NRXN1: variants seen among roughly 807,000 people sequenced by gnomAD.
The protein encoded by NRXN1 is neurexin 1, also known as neurexin-1.
A neutral mutation model predicts 150.9 loss-of-function variants in NRXN1; 39 were observed. The ratio of observed to expected loss-of-function variants is 0.26; its 90% CI spans 0.20 to 0.34. The LOEUF is 0.34. NRXN1 is among the 10% of genes least tolerant of loss of function. The pLI, the probability that NRXN1 is intolerant of heterozygous loss-of-function variation, is 1.00. For synonymous variants in NRXN1, 924 were observed against 757.0 expected, an observed-to-expected ratio of 1.22 and a Z score of -3.62; for missense variants, 1,815 against 1,949.9, an observed-to-expected ratio of 0.93 and a Z score of 1.30.
At chr2:50,360,645 C>T (rs1383712202) in intron 17 of NRXN1, among the ~76,000 whole-genome samples, 1 of 152,176 alleles carries the variant, frequency 6.6e-6, no homozygotes, top group Non-Finnish European at 1.5e-5. Context: ...GAGACTTAGA[C>T]TCCCACACAA....
intron 17 of NRXN1, among the ~76,000 whole-genome samples, chr2:50,448,966 T>G (rs139239241): frequency 6.6e-6 from 1 of 152,310 alleles, no homozygotes; most frequent in East Asian, 1.9e-4. Context: ...TATTTTTTCA[T>G]GAACGCCAAA....
At chr2:50,085,224 C>T (rs1295354851) in intron 19 of NRXN1, among the ~76,000 whole-genome samples, 3 of 152,086 alleles carry the variant, frequency 2.0e-5, no homozygotes, top group Non-Finnish European at 1.5e-5. Flanking sequence ...AAAAAAAATG[C>T]TTTGACCTAG....
chr2:50,901,136 T>C (rs1031160288), intron 5 of NRXN1, among the ~76,000 whole-genome samples: 2 of 152,152 alleles, frequency 1.3e-5, no homozygotes, highest in African/African-American at 2.4e-5. Context: ...GTGAGTACCA[T>C]GATCCATGAT....
At chr2:50,593,457 A>C (rs1181688361) in intron 8 of NRXN1, among the ~76,000 whole-genome samples, 1 of 152,226 alleles carries the variant, frequency 6.6e-6, no homozygotes, top group Non-Finnish European at 1.5e-5. Context: ...GAGGTATAAA[A>C]ATATGGTAAT....
chr2:50,667,528 A>G (rs1207566990), intron 5 of NRXN1, among the ~76,000 whole-genome samples: 1 of 151,992 alleles, frequency 6.6e-6, no homozygotes, highest in Admixed American at 6.6e-5. Flanking sequence ...TTAATTTATA[A>G]TGACCAGGAT....
At chr2:50,216,345 C>A (rs1291330514) in intron 18 of NRXN1, among the ~76,000 whole-genome samples, 1 of 151,826 alleles carries the variant, frequency 6.6e-6, no homozygotes, top group East Asian at 1.9e-4. Context: ...AAACTTAATG[C>A]TCTACTTTGA....
intron 8 of NRXN1, among the ~76,000 whole-genome samples, chr2:50,613,296 C>T (rs1180746990): frequency 5.9e-5 from 9 of 152,144 alleles, no homozygotes; most frequent in Non-Finnish European, 7.4e-5. Context: ...AGAAAATTGT[C>T]ATTCAGCCCC....
Position 49,920,893 on chromosome 2 carries a change from G to C in NRXN1, c.*1051C>G, listed in dbSNP as rs1463326953. The C allele has an allele frequency of 6.6e-6, 1 of 152,508 alleles. No homozygotes were observed. Among genetic ancestry groups the C allele is most frequent in the Non-Finnish European group, 1.5e-5 (1 of 68,006 alleles). 9.4% of individuals were successfully genotyped at this position (152,508 alleles called of 1,614,324 possible). The stretch of plus-strand genomic sequence containing the variant: ...AATGAAGGCTGTACATATAAGAAAA[G>C]AAGTAGCTGAGTCTTTGTATATACA... On this transcript the variant is annotated 3_prime_UTR_variant, in exon 23 of 23. Coordinates refer to ENST00000401669, the MANE Select transcript of NRXN1 (RefSeq NM_001330078.2).
At chr2:50,351,937 A>G (rs2078441513) in intron 17 of NRXN1, among the ~76,000 whole-genome samples, 1 of 152,192 alleles carries the variant, frequency 6.6e-6, no homozygotes, top group Non-Finnish European at 1.5e-5. Context: ...GTGCCTACTC[A>G]TTAATAAATG....
intron 21 of NRXN1, among the ~76,000 whole-genome samples, chr2:49,998,416 G>C (rs551499746): frequency 6.6e-6 from 1 of 152,070 alleles, no homozygotes; most frequent in East Asian, 1.9e-4. Flanking sequence ...CTTCAAGATA[G>C]GGAGGATATA....
chr2:50,813,365 T>C (rs1668493761), intron 5 of NRXN1, among the ~76,000 whole-genome samples: 1 of 152,212 alleles, frequency 6.6e-6, no homozygotes, highest in South Asian at 2.1e-4. Context: ...ACTTTTGCAC[T>C]ATCTTCTCTC....
At chr2:50,558,674 C>T (rs140206245) in intron 8 of NRXN1, among the ~76,000 whole-genome samples, 2 of 152,094 alleles carry the variant, frequency 1.3e-5, no homozygotes, top group African/African-American at 2.4e-5. Context: ...AAAATCTGTG[C>T]GGTTTAAAAA....
intron 21 of NRXN1, among the ~76,000 whole-genome samples, chr2:50,042,760 A>AGTT (rs1290560486): frequency 1.3e-5 from 2 of 152,228 alleles, no homozygotes; most frequent in African/African-American, 4.8e-5. Context: ...AATCTCTAAC[A>AGTT]GGTAGATCAT....
At chr2:49,932,357 G>A (rs918708239) in intron 22 of NRXN1, among the ~76,000 whole-genome samples, 2 of 152,058 alleles carry the variant, frequency 1.3e-5, no homozygotes, top group African/African-American at 4.8e-5. Context: ...GCAGTTTGGG[G>A]GTGCAGTGAG....
At chr2:50,675,579 T>C (rs1359267154) in intron 5 of NRXN1, among the ~76,000 whole-genome samples, 1 of 152,116 alleles carries the variant, frequency 6.6e-6, no homozygotes, top group Non-Finnish European at 1.5e-5. Flanking sequence ...GGGACAACAG[T>C]GAAATATGTT....
chr2:50,362,065 G>C (rs2079251007), intron 17 of NRXN1, among the ~76,000 whole-genome samples: 1 of 151,976 alleles, frequency 6.6e-6, no homozygotes, highest in Admixed American at 6.6e-5. Context: ...CATGCTAAAA[G>C]CAATCAATAA....
Position 49,922,240 on chromosome 2 carries a change from G to T in NRXN1, c.4228C>A (p.Arg1410=), listed in dbSNP as rs201234188. 1 of 1,613,514 alleles carries T rather than the reference G, an allele frequency of 6.2e-7. No individual in the cohort carries two copies. The highest frequency in any genetic ancestry group is 1.3e-5 in the African/African-American group (1 of 75,054). The change falls in exon 23 of 23, where the codon CGA becomes AGA. Residue 1410 remains arginine, a synonymous_variant. Transcript: ENST00000401669. ...PSSGGLANPT[R]AGGREPYPGS... ...GGATACGGCTCTCTGCCGCCTGCTC[G>T]GGTTGGGTTGGCTATAGAAAAGAGG...
chr2:50,327,006 G>T (rs911731118), intron 17 of NRXN1, among the ~76,000 whole-genome samples: 1 of 152,150 alleles, frequency 6.6e-6, no homozygotes, highest in African/African-American at 2.4e-5. Flanking sequence ...GTGGGACAAA[G>T]TCTAACAAAG....
intron 5 of NRXN1, among the ~76,000 whole-genome samples, chr2:50,911,899 T>C (rs1013095151): frequency 1.3e-5 from 2 of 151,942 alleles, no homozygotes; most frequent in Admixed American, 6.6e-5. Context: ...TCTTTACTAA[T>C]GTGAAAACTG....
Sources: gnomAD v4.1 joint callset for allele counts (sites outside exome capture counted in the v4.1 genomes callset) on GRCh38, gnomAD v4.1.1 for gene constraint, MANE v1.5 for transcripts, NCBI Gene and HGNC (gene_info 2026-07-23, HGNC 2026-07-21) for gene names.